CMIP: variants seen among roughly 807,000 people sequenced by gnomAD.
CMIP encodes C-Maf-inducing protein.
Under a neutral mutation model 97.3 loss-of-function variants are expected in CMIP, and 13 were observed. That is an observed-to-expected ratio of 0.13 (90% CI 0.09 to 0.21). The LOEUF is 0.21. Among genes scored for constraint, CMIP ranks in the 10% least tolerant of loss-of-function variants. CMIP has a pLI of 1.00. For synonymous variants in CMIP, 538 were observed against 436.3 expected (o/e 1.23, Z -2.91); for missense variants, 847 against 1,024.9 (o/e 0.83, Z 2.37).
At chr16:81,657,713 G>T in intron 4 of CMIP, 62 bp from the exon 5 acceptor site, 2 of 1,343,396 alleles carry the variant, frequency 1.5e-6, no homozygotes, top group Non-Finnish European at 2.1e-6. Flanking sequence ...AAATCCAAAT[G>T]CTCGTTTTCT....
At chr16:81,483,999 A>AT (rs2089273881) in intron 1 of CMIP, among the ~76,000 whole-genome samples, 1 of 152,274 alleles carries the variant, frequency 6.6e-6, no homozygotes, top group East Asian at 1.9e-4. Context: ...GTATGTAATC[A>AT]TTTCAAGCTT....
intron 7 of CMIP, 87 bp downstream of exon 7, chr16:81,664,436 T>C (rs532173526): frequency 2.3e-4 from 304 of 1,320,822 alleles, no homozygotes; most frequent in Non-Finnish European, 2.7e-4. Flanking sequence ...TTGGCACAGA[T>C]TTGGGGAATG....
chr16:81,701,170 A>G (rs1298043766), intron 15 of CMIP, among the ~76,000 whole-genome samples: 1 of 151,598 alleles, frequency 6.6e-6, no homozygotes, highest in Non-Finnish European at 1.5e-5. Context: ...CAGGGCTGTC[A>G]GGCGTGTTGA....
chr16:81,678,284 T>C lies in CMIP; in HGVS notation c.1044T>C (p.Asn348=). The change falls in exon 10 of 21, where the codon AAT becomes AAC. Residue 348 remains asparagine (N), a synonymous_variant. Coordinates refer to ENST00000537098, the MANE Select transcript of CMIP (RefSeq NM_198390.3). ...CCGCCTCTTCCCCCAGCCGCGACAA[T>C]TCCCCAAGCCTGAAGGAAATCCGGA... ...CYEEFINSRD[N]SPSLKEIRNG... 1 of 1,594,776 alleles carries C rather than the reference T, an allele frequency of 6.3e-7. No individual in the cohort carries two copies. Among genetic ancestry groups the C allele is most frequent in the Non-Finnish European group, 8.5e-7 (1 of 1,170,760 alleles).
chr16:81,708,630 G>C (rs933380228), intron 20 of CMIP, among the ~76,000 whole-genome samples: 6 of 152,238 alleles, frequency 3.9e-5, no homozygotes, highest in Non-Finnish European at 7.3e-5. Flanking sequence ...GTCCTTTGGA[G>C]GAGGGGCCTC....
Position 81,621,114 on chromosome 16 carries a change from G to A in CMIP, c.477+188G>A. The A allele has an allele frequency of 1.7e-6, 1 of 597,470 alleles. No homozygotes were observed. Among genetic ancestry groups the A allele is most frequent in the Non-Finnish European group, 2.9e-6 (1 of 339,924 alleles). The allele number at this position is 597,470 out of a possible 1,614,324, so 37.0% of individuals were successfully genotyped here. A position where few individuals can be genotyped will look rare whatever the true frequency, so the allele number is the denominator to read the frequency against. ...CTCTGCTGTTCAATTCCTGTCCCCT[G>A]CAGTGCTGAAATAGCATTCTCGCCC... On this transcript the variant is annotated intron_variant, in intron 3 of 20. Coordinates refer to ENST00000537098, the MANE Select transcript of CMIP (RefSeq NM_198390.3). This position sits in a 1 kb window ranked among gnomAD's most constrained non-coding sequence, Gnocchi z 4.1.
At chr16:81,525,493 C>T (rs977526972) in intron 1 of CMIP, among the ~76,000 whole-genome samples, 7 of 151,952 alleles carry the variant, frequency 4.6e-5, no homozygotes, top group East Asian at 1.9e-4. Context: ...ATACATATAA[C>T]GTAAGGTTTA....
chr16:81,462,601 T>C (rs1246297999), intron 1 of CMIP, among the ~76,000 whole-genome samples: 1 of 152,240 alleles, frequency 6.6e-6, no homozygotes, highest in Non-Finnish European at 1.5e-5. Context: ...CCTGCAGCGT[T>C]TTCTGTACTT....
intron 13 of CMIP, chr16:81,696,269 C>G: frequency 2.0e-6 from 1 of 495,878 alleles, no homozygotes; most frequent in South Asian, 2.2e-5. Context: ...CCTGCTGCAG[C>G]CACAGGCCCG....
intron 1 of CMIP, among the ~76,000 whole-genome samples, chr16:81,524,518 G>A (rs1311636152): frequency 6.6e-6 from 1 of 152,256 alleles, no homozygotes; most frequent in Non-Finnish European, 1.5e-5. Context: ...GTGAGACAGT[G>A]TCTGCAAAAT....
At chr16:81,513,432 T>G (rs1292645584) in intron 1 of CMIP, among the ~76,000 whole-genome samples, 3 of 152,224 alleles carry the variant, frequency 2.0e-5, no homozygotes, top group African/African-American at 7.2e-5. Context: ...GACTGCAAGC[T>G]GATCTGCCAT....
chr16:81,539,040 C>T (rs940022308), intron 1 of CMIP, among the ~76,000 whole-genome samples: 1 of 152,014 alleles, frequency 6.6e-6, no homozygotes, highest in Non-Finnish European at 1.5e-5. Context: ...TAGATAGTGC[C>T]GAGGAAGAGC....
intron 1 of CMIP, among the ~76,000 whole-genome samples, chr16:81,501,705 A>G (rs1430633113): frequency 6.8e-6 from 1 of 147,530 alleles, no homozygotes; most frequent in Non-Finnish European, 1.5e-5. Context: ...TCTGCTTCCC[A>G]GGTTCTCGCA....
At chr16:81,633,125 G>C (rs1374394063) in intron 3 of CMIP, among the ~76,000 whole-genome samples, 1 of 152,238 alleles carries the variant, frequency 6.6e-6, no homozygotes, top group Non-Finnish European at 1.5e-5. Context: ...CTTTAAGGCA[G>C]AATTTTGTTT....
intron 1 of CMIP, among the ~76,000 whole-genome samples, chr16:81,550,607 T>C (rs915361620): frequency 6.6e-6 from 1 of 152,168 alleles, no homozygotes; most frequent in Non-Finnish European, 1.5e-5. Flanking sequence ...ATGGCTGCTA[T>C]TGCTAGGATA....
intron 10 of CMIP, among the ~76,000 whole-genome samples, chr16:81,686,888 G>A (rs1390348042): frequency 6.6e-6 from 1 of 152,108 alleles, no homozygotes; most frequent in Non-Finnish European, 1.5e-5. Context: ...AGGGGTCCCG[G>A]GACCACCCCT....
intron 1 of CMIP, among the ~76,000 whole-genome samples, chr16:81,452,513 T>A (rs1906280213): frequency 6.6e-6 from 1 of 152,090 alleles, no homozygotes; most frequent in Admixed American, 6.5e-5. Flanking sequence ...TAAAATCCGA[T>A]GACAGGGATC....
chr16:81,446,052 G>T (rs1905820869), intron 1 of CMIP, among the ~76,000 whole-genome samples: 1 of 151,952 alleles, frequency 6.6e-6, no homozygotes, highest in Non-Finnish European at 1.5e-5. Flanking sequence ...TGGTTTACCC[G>T]TCCTTTATTC....
chr16:81,690,769 A>G (rs1905969185), intron 10 of CMIP, among the ~76,000 whole-genome samples: 1 of 152,160 alleles, frequency 6.6e-6, no homozygotes. Flanking sequence ...TACTAGAAAT[A>G]CAAAAAATTA....
Sources: gnomAD v4.1 joint callset for allele counts (sites outside exome capture counted in the v4.1 genomes callset) on GRCh38, gnomAD v4.1.1 for gene constraint, Gnocchi (gnomAD v3.1) non-coding constraint, MANE v1.5 for transcripts, NCBI Gene and HGNC (gene_info 2026-07-23, HGNC 2026-07-21) for gene names.